The following NMRK2 variants were observed in gnomAD, a reference collection of about 807,000 sequenced individuals.
NMRK2 encodes the protein NRK 2.
In NMRK2, 34 loss-of-function variants were observed where a neutral mutation model predicts 24.7. The ratio of observed to expected loss-of-function variants is 1.37; its 90% confidence interval spans 1.05 to 1.83. NMRK2 has a LOEUF of 1.83. Ranked by LOEUF, NMRK2 falls within the 40% of genes most tolerant of loss-of-function variation. The probability of loss-of-function intolerance (pLI) is 0.00; values close to 1 mark genes in which losing one functional copy is unlikely to be tolerated. For synonymous variants in NMRK2, 145 were observed against 125.6 expected, an observed-to-expected ratio of 1.15 and a Z score of -1.03; for missense variants, 341 against 315.0, an observed-to-expected ratio of 1.08 and a Z score of -0.62.
Position 3,936,614 on chromosome 19 carries a change from G to A in NMRK2, c.66G>A (p.Leu22=). 1 of 1,574,268 alleles carries A rather than the reference G, an allele frequency of 6.4e-7. No individual in the cohort carries two copies. The highest frequency in any genetic ancestry group is 8.6e-7 in the Non-Finnish European group (1 of 1,160,558). Residue 22 remains leucine (L), a synonymous_variant, in exon 3 of 8, where the codon CTG becomes CTA. Transcript: ENST00000168977. Reference sequence around the variant, plus strand: ...GCAAGACCACGCTGACCAACAGCCTGCTCAGAGCCCTGCCCAACTGCTGCG... The same window carrying A: ...GCAAGACCACGCTGACCAACAGCCTACTCAGAGCCCTGCCCAACTGCTGCG... ...NGGKTTLTNS[L]LRALPNCCVI... is the part of the protein sequence containing the mutation.
chr19:3,939,839 T>C, intron 5 of NMRK2, 61 bp from the exon 6 acceptor site: 1 of 1,492,180 alleles, frequency 6.7e-7, no homozygotes, highest in East Asian at 2.3e-5. Flanking sequence ...GGGTTGGATA[T>C]TTTGACTGCG....
In NMRK2 at chr19:3,938,697, C is replaced by T. The variant is rs766353204; in HGVS notation, c.261C>T (p.Val87=). The T allele has an allele frequency of 4.3e-6, 7 of 1,612,796 alleles. No homozygotes were observed. The highest frequency in any genetic ancestry group is 5.9e-6 in the Non-Finnish European group (7 of 1,179,434). ...TTGCCCGTGCCCACGGGGTCAGCGT[C>T]CAGCCAGAGGCCTCGGACACCCACA... ...QKFARAHGVS[V]QPEASDTHIL... is the part of the protein sequence containing the mutation. Residue 87 remains valine (V), a synonymous_variant, in exon 5 of 8, where the codon GTC becomes GTT. Transcript: ENST00000168977.
In NMRK2 at chr19:3,933,516, A is replaced by C. The variant is rs990383176; in HGVS notation, c.-156A>C. 1.3e-5 allele frequency: 10 copies of C among 748,394 alleles called. No individual in the cohort carries two copies. The highest frequency in any genetic ancestry group is 1.3e-4 in the African/African-American group (7 of 53,118). 46.4% of individuals were successfully genotyped at this position (748,394 alleles called of 1,614,324 possible). On this transcript the variant is annotated 5_prime_UTR_variant, in exon 2 of 8. Coordinates refer to ENST00000168977, the MANE Select transcript of NMRK2 (RefSeq NM_170678.3). ...GTGCCGGCGCCTCCGCCCCATCCCC[A>C]GGGGCCGCCTCCCCCGGGGCGGCCT... is the stretch of plus-strand genomic sequence containing the variant.
In NMRK2 at chr19:3,935,251, CTTTTTTTTT is replaced by C. The variant is rs900517564; in HGVS notation, c.27-1310_27-1302del. On this transcript the variant is annotated intron_variant, in intron 2 of 7. Transcript: ENST00000168977. ...ATAGGTGTCCTCTTTTTCCGTCAGT[CTTTTTTTTT>C]TTTTTTTTTTTTTGAGACAAAATCT... 3.8e-5 allele frequency among the ~76,000 whole-genome samples: 4 copies of C among 105,622 alleles called. No homozygotes were observed. In the South Asian group the frequency reaches 1.0e-3, roughly 28 times the overall value. 69.3% of individuals were successfully genotyped at this position (105,622 alleles called of 152,430 possible).
intron 2 of NMRK2, 73 bp downstream of exon 2, chr19:3,933,770 G>C (rs562946718): frequency 2.3e-6 from 3 of 1,330,970 alleles, no homozygotes; most frequent in South Asian, 3.4e-5. Context: ...GGAGGCCCGG[G>C]AATGAATGGA....
intron 4 of NMRK2, among the ~76,000 whole-genome samples, chr19:3,938,038 T>C (rs1313911890): frequency 1.5e-3 from 111 of 75,774 alleles, no homozygotes; most frequent in South Asian, 2.9e-3. Context: ...CTGCAATACC[T>C]GCTCCCCGTC....
chr19:3,938,105 C>T (rs1294052997), intron 4 of NMRK2, among the ~76,000 whole-genome samples: 2 of 135,872 alleles, frequency 1.5e-5, no homozygotes, highest in African/African-American at 5.6e-5. Context: ...CACTGTTCCC[C>T]TGGGGTCCGC....
intron 2 of NMRK2, among the ~76,000 whole-genome samples, chr19:3,934,315 G>A (rs1386617427): frequency 6.6e-6 from 1 of 152,172 alleles, no homozygotes; most frequent in Non-Finnish European, 1.5e-5. Context: ...CCTCGTGGCT[G>A]TCCTGGCTAA....
Position 3,942,276 on chromosome 19 carries a change from G to T in NMRK2, c.*3G>T, listed in dbSNP as rs372708977. Reference sequence around the variant, plus strand: ...CGTCCCAGCAGGACAGCATGTGAGCGTTTCCCTATGGGGGTGTCTGTACGT... The same window carrying T: ...CGTCCCAGCAGGACAGCATGTGAGCTTTTCCCTATGGGGGTGTCTGTACGT... On this transcript the variant is annotated 3_prime_UTR_variant, in exon 8 of 8. Transcript: ENST00000168977. 2 of 1,600,598 alleles carry T rather than the reference G, an allele frequency of 1.2e-6. No homozygotes were observed. The highest frequency in any genetic ancestry group is 2.2e-5 in the South Asian group (2 of 89,700).
chr19:3,934,197 C>T (rs550484187), intron 2 of NMRK2, among the ~76,000 whole-genome samples: 3 of 152,024 alleles, frequency 2.0e-5, no homozygotes, highest in South Asian at 2.1e-4. Context: ...GCAGTGAGTG[C>T]GATCATGCCA....
At chr19:3,938,329 T>A (rs1284304227) in intron 4 of NMRK2, among the ~76,000 whole-genome samples, 2 of 120,498 alleles carry the variant, frequency 1.7e-5, no homozygotes, top group South Asian at 2.9e-4. Flanking sequence ...CCGTCCACTG[T>A]TCCCCCGGGG....
rs1399729805 is a variant in NMRK2 at position 3,940,722 on chromosome 19, G to A, written c.396-349G>A. On this transcript the variant is annotated intron_variant, in intron 6 of 7. Transcript: ENST00000168977. ...TGTACTCCAACCTGGGCAACAGAGC[G>A]AGATTCCATCTCAAAAAAAAAAAAA... 1.5e-4 allele frequency among the ~76,000 whole-genome samples: 21 copies of A among 140,018 alleles called. No homozygotes were observed. In the Admixed American group the frequency reaches 1.5e-3, roughly 10 times the overall value. 91.9% of individuals were successfully genotyped at this position (140,018 alleles called of 152,430 possible).
rs577080481 is a variant in NMRK2, at chr19:3,933,711, G to A, written c.26+14G>A. The A allele has an allele frequency of 3.5e-6, 5 of 1,428,272 alleles. No individual in the cohort carries two copies. The highest frequency in any genetic ancestry group is 4.6e-6 in the Non-Finnish European group (5 of 1,091,344). The allele number at this position is 1,428,272 out of a possible 1,614,324, so 88.5% of individuals were successfully genotyped here. On this transcript the variant is annotated intron_variant, in intron 2 of 7. Coordinates refer to ENST00000168977, the MANE Select transcript of NMRK2 (RefSeq NM_170678.3). Reference sequence around the variant, plus strand: ...GGGCATCGGAGGGTGAGCGCCGGGGGACCTGGTGGGCGGCCCTGCGGGGCA... The same window carrying A: ...GGGCATCGGAGGGTGAGCGCCGGGGAACCTGGTGGGCGGCCCTGCGGGGCA...
chr19:3,941,088 T>C lies in NMRK2; in HGVS notation c.413T>C (p.Val138Ala). Reference sequence around the variant, plus strand: ...CTCTGCAGTACCCGCAACTACACAGTCCCTGATCCCCCCGGCCTCTTCGAT... The same window carrying C: ...CTCTGCAGTACCCGCAACTACACAGCCCCTGATCCCCCCGGCCTCTTCGAT... ...KWRRSTRNYT[V>A]PDPPGLFDGH... The change falls in exon 7 of 8, where the codon GTC becomes GCC. Residue 138 changes from valine to alanine, a missense_variant. Coordinates refer to ENST00000168977, the MANE Select transcript of NMRK2 (RefSeq NM_170678.3). 6.2e-7 allele frequency: 1 copy of C among 1,612,958 alleles called. No individual in the cohort carries two copies. The highest frequency in any genetic ancestry group is 8.5e-7 in the Non-Finnish European group (1 of 1,179,192).
At chr19:3,938,781 C>A in intron 5 of NMRK2, 22 bp downstream of exon 5, 4 of 1,522,866 alleles carry the variant, frequency 2.6e-6, no homozygotes, top group Non-Finnish European at 3.5e-6. Flanking sequence ...CAGGCTCTGG[C>A]CCCAGGCATG....
Position 3,938,618 on chromosome 19 carries a change from A to C in NMRK2, c.182A>C (p.Asp61Ala). The C allele has an allele frequency of 6.3e-7, 1 of 1,590,446 alleles. No homozygotes were observed. The highest frequency in any genetic ancestry group is 1.3e-5 in the African/African-American group (1 of 74,170). The change falls in exon 5 of 8, where the codon GAC becomes GCC. Residue 61 changes from aspartate to alanine, a missense_variant. Transcript: ENST00000168977. ...FKQWDVLESLDMEAMLDTVQA... is the reference protein window; with the variant it reads ...FKQWDVLESLAMEAMLDTVQA... Reference sequence around the variant, plus strand: ...CTTTCCCCAGTGCTGGAGTCTCTGGACATGGAGGCCATGCTGGACACCGTG... The same window carrying C: ...CTTTCCCCAGTGCTGGAGTCTCTGGCCATGGAGGCCATGCTGGACACCGTG...
At chr19:3,934,746 A>T (rs1263924493) in intron 2 of NMRK2, among the ~76,000 whole-genome samples, 1 of 151,056 alleles carries the variant, frequency 6.6e-6, no homozygotes, top group African/African-American at 2.4e-5. Flanking sequence ...ATGCCTGTCT[A>T]AACTTTGTGT....
chr19:3,942,252 G>A lies in NMRK2; in HGVS notation c.672G>A (p.Ala224=), dbSNP rs547115351. ...GCCACAGAACGGCCAGGCCTGCAGC[G>A]TCCCAGCAGGACAGCATGTGAGCGT... The part of the protein sequence containing the change: ...GCGHRTARPA[A]SQQDSM Residue 224 remains alanine, a synonymous_variant, in exon 8 of 8, where the codon GCG becomes GCA. Transcript: ENST00000168977. 9.9e-6 allele frequency: 16 copies of A among 1,610,378 alleles called. No homozygotes were observed. Among genetic ancestry groups the A allele is most frequent in the Middle Eastern group, 1.7e-4 (1 of 6,008 alleles).
chr19:3,939,555 A>G (rs1465541445), intron 5 of NMRK2, among the ~76,000 whole-genome samples: 1 of 152,190 alleles, frequency 6.6e-6, no homozygotes, highest in East Asian at 1.9e-4. Flanking sequence ...TGGGACAAAC[A>G]GCCACCCTTC....
Sources: gnomAD v4.1 joint callset for allele counts (sites outside exome capture counted in the v4.1 genomes callset) on GRCh38, gnomAD v4.1.1 for gene constraint, MANE v1.5 for transcripts, NCBI Gene and HGNC (gene_info 2026-07-23, HGNC 2026-07-21) for gene names.